DGKB: variants seen among roughly 807,000 people sequenced by gnomAD.
DGKB encodes 90 kDa diacylglycerol kinase.
A neutral mutation model predicts 114.3 loss-of-function variants in DGKB; 67 were observed. The ratio of observed to expected loss-of-function variants is 0.59; its 90% CI spans 0.48 to 0.72. The LOEUF (loss-of-function observed/expected upper bound fraction) is 0.72, where lower values mean the gene tolerates loss of function less well. Among genes scored for constraint, DGKB ranks in the 30% least tolerant of loss-of-function variants. The pLI is 0.00. For synonymous variants in DGKB, 398 were observed against 323.1 expected (o/e 1.23, Z -2.49); for missense variants, 907 against 975.2 (o/e 0.93, Z 0.93).
At chr7:14,860,419 A>T (rs1460727619) in intron 1 of DGKB, among the ~76,000 whole-genome samples, 1 of 151,944 alleles carries the variant, frequency 6.6e-6, no homozygotes, top group Non-Finnish European at 1.5e-5. Flanking sequence ...TTTCTTTTGT[A>T]TGTGTGCTTG....
At chr7:14,859,832 TA>T (rs1188960279) in intron 1 of DGKB, among the ~76,000 whole-genome samples, 1 of 152,102 alleles carries the variant, frequency 6.6e-6, no homozygotes, top group Non-Finnish European at 1.5e-5. Flanking sequence ...TAGCTTGTGT[TA>T]AAGCCAATGA....
Position 14,891,267 on chromosome 7 carries a change from C to T in DGKB, c.-188+11325G>A, listed in dbSNP as rs946593427. The stretch of plus-strand genomic sequence containing the variant: ...AGATAGTCACTTACCTCTTTAATAA[C>T]GTAGACAAAACGATAAAAACACTGT... On this transcript the variant is annotated intron_variant, in intron 1 of 25. Coordinates refer to ENST00000402815, the MANE Select transcript of DGKB (RefSeq NM_001350709.2). Among the ~76,000 whole-genome samples the T allele has an allele frequency of 5.3e-5, 8 of 151,442 alleles. No homozygotes were observed. In the East Asian group the frequency reaches 5.8e-4, roughly 11 times the overall value.
At chr7:14,569,352 G>C (rs1251951707) in intron 20 of DGKB, among the ~76,000 whole-genome samples, 4 of 152,138 alleles carry the variant, frequency 2.6e-5, no homozygotes, top group African/African-American at 7.2e-5. Flanking sequence ...AATTAGTTCT[G>C]ATCTGCCTTA....
intron 1 of DGKB, among the ~76,000 whole-genome samples, chr7:14,943,477 C>T (rs970714579): frequency 6.6e-6 from 1 of 151,884 alleles, no homozygotes. Flanking sequence ...CTTAAACAGA[C>T]AATTCTGAGA....
chr7:14,931,112 AT>A (rs543630712), intron 1 of DGKB, among the ~76,000 whole-genome samples: 19,497 of 136,428 alleles, frequency 0.14, 1,145 homozygotes, highest in Admixed American at 0.22. Flanking sequence ...GTTTGCTAGT[AT>A]TTTTTTTTTT....
intron 1 of DGKB, among the ~76,000 whole-genome samples, chr7:14,893,821 C>G (rs2128228434): frequency 6.6e-6 from 1 of 151,368 alleles, no homozygotes; most frequent in African/African-American, 2.4e-5. Flanking sequence ...TCTTGTTCTC[C>G]CCATCTCCTA....
chr7:14,445,828 C>T (rs932225642), intron 21 of DGKB, among the ~76,000 whole-genome samples: 1 of 151,920 alleles, frequency 6.6e-6, no homozygotes, highest in African/African-American at 2.4e-5. Context: ...TATGAAAATG[C>T]TATATCCTTC....
rs1389405764 is a variant in DGKB, at chr7:14,149,300, C to T, written c.2305-62G>A. 2.4e-6 allele frequency: 3 copies of T among 1,232,324 alleles called. No individual in the cohort carries two copies. In the African/African-American group the frequency reaches 4.5e-5, roughly 19 times the overall value. The allele number at this position is 1,232,324 out of a possible 1,614,324, so 76.3% of individuals were successfully genotyped here. On this transcript the variant is annotated intron_variant, in intron 25 of 25. Transcript: ENST00000402815. ...GAGTAATCTCCAGATAGATACAATA[C>T]CAATTTGTGAGACTCTCTGTTAAGG...
In DGKB at chr7:14,258,489, G is replaced by A. The variant is rs150839210; in HGVS notation, c.2122+80026C>T. ...TAAACAGCTGAAATTAGGGGGAAAT[G>A]CAACAGGATATTCTCTGCCACTTTG... is the stretch of plus-strand genomic sequence containing the variant. On this transcript the variant is annotated intron_variant, in intron 23 of 25. Transcript: ENST00000402815. Among the ~76,000 whole-genome samples the A allele has an allele frequency of 5.0e-4, 76 of 152,294 alleles. 1 individual carries two copies. Among genetic ancestry groups the A allele is most frequent in the African/African-American group, 1.8e-3 (74 of 41,550 alleles).
chr7:14,257,910 C>T (rs38287), intron 23 of DGKB, among the ~76,000 whole-genome samples: 81,885 of 151,776 alleles, frequency 0.54, 24,171 homozygotes, highest in East Asian at 0.99. Flanking sequence ...TATTTTTTAA[C>T]AGAGATGGGG....
At position 14,718,633 on chromosome 7, in the gene DGKB, T is replaced by C. The variant is rs751164046; in HGVS notation, c.375A>G (p.Ala125=). The change falls in exon 6 of 26, where the codon GCA becomes GCG. Residue 125 remains alanine, a synonymous_variant. Coordinates refer to ENST00000402815, the MANE Select transcript of DGKB (RefSeq NM_001350709.2). ...GGATTACTTCTGGGGAACACGTATTTGCAGGAGAAGTAGTCCGGGGAGGGG... is the reference window on the plus strand; with the variant it reads ...GGATTACTTCTGGGGAACACGTATTCGCAGGAGAAGTAGTCCGGGGAGGGG... The part of the protein sequence containing the change: ...AITPPRTTSP[A]NTCSPEVIHL... The C allele has an allele frequency of 1.2e-6, 2 of 1,612,736 alleles. No homozygotes were observed. Among genetic ancestry groups the C allele is most frequent in the Admixed American group, 1.7e-5 (1 of 59,956 alleles).
At chr7:14,709,156 G>C (rs1334450070) in intron 6 of DGKB, among the ~76,000 whole-genome samples, 1 of 151,730 alleles carries the variant, frequency 6.6e-6, no homozygotes, top group Non-Finnish European at 1.5e-5. Context: ...GTGGGCGAAG[G>C]ACATGAACAG....
At chr7:14,279,324 C>T (rs1799527309) in intron 23 of DGKB, among the ~76,000 whole-genome samples, 1 of 152,170 alleles carries the variant, frequency 6.6e-6, no homozygotes, top group South Asian at 2.1e-4. Flanking sequence ...CACCATTGCC[C>T]AGGCTTGATT....
At chr7:14,231,641 T>A (rs143018838) in intron 23 of DGKB, among the ~76,000 whole-genome samples, 1 of 152,038 alleles carries the variant, frequency 6.6e-6, no homozygotes, top group Admixed American at 6.6e-5. Flanking sequence ...AATGTGTGTG[T>A]GTACATATAT....
intron 1 of DGKB, among the ~76,000 whole-genome samples, chr7:14,868,299 T>G (rs955866214): frequency 6.6e-6 from 1 of 151,770 alleles, no homozygotes; most frequent in African/African-American, 2.4e-5. Flanking sequence ...CACTTTTTTC[T>G]ATAGTCAGAC....
chr7:14,545,392 CA>C (rs1794120800), intron 20 of DGKB, among the ~76,000 whole-genome samples: 1 of 152,090 alleles, frequency 6.6e-6, no homozygotes, highest in Non-Finnish European at 1.5e-5. Context: ...AATATATTGC[CA>C]AAAGCATGGA....
At chr7:14,199,950 T>C (rs1389956443) in intron 23 of DGKB, among the ~76,000 whole-genome samples, 2 of 151,930 alleles carry the variant, frequency 1.3e-5, no homozygotes, top group Admixed American at 6.6e-5. Context: ...AGCTCCTGAG[T>C]ATATAGTGGT....
chr7:14,536,420 T>C (rs991149243), intron 20 of DGKB, among the ~76,000 whole-genome samples: 3 of 152,140 alleles, frequency 2.0e-5, no homozygotes, highest in Non-Finnish European at 4.4e-5. Context: ...CAATAAAATA[T>C]TTAGCAAATC....
chr7:14,495,565 T>C (rs1432648231), intron 20 of DGKB, among the ~76,000 whole-genome samples: 1 of 151,862 alleles, frequency 6.6e-6, no homozygotes, highest in Non-Finnish European at 1.5e-5. Flanking sequence ...ACAAATGTTA[T>C]GACATTTAAG....
Sources: gnomAD v4.1 joint callset for allele counts (sites outside exome capture counted in the v4.1 genomes callset) on GRCh38, gnomAD v4.1.1 for gene constraint, MANE v1.5 for transcripts, NCBI Gene and HGNC (gene_info 2026-07-23, HGNC 2026-07-21) for gene names.